The following RNF4 variants were observed in gnomAD, a reference collection of about 807,000 sequenced individuals.
RNF4 encodes ring finger protein 4.
RNF4 carries 7 observed loss-of-function variants against 24.3 expected under a neutral mutation model. The ratio of observed to expected loss-of-function variants is 0.29; its 90% CI spans 0.16 to 0.54. RNF4 has a LOEUF of 0.54. Among genes scored for constraint, RNF4 ranks in the 20% least tolerant of loss-of-function variants. RNF4 has a pLI of 0.95. For synonymous variants in RNF4, 83 were observed against 84.3 expected, an observed-to-expected ratio of 0.98 and a Z score of 0.09; for missense variants, 209 against 248.5, an observed-to-expected ratio of 0.84 and a Z score of 1.07.
intron 4 of RNF4, among the ~76,000 whole-genome samples, chr4:2,503,553 C>G (rs1339648552): frequency 1.3e-5 from 2 of 152,192 alleles, no homozygotes; most frequent in Non-Finnish European, 2.9e-5. Context: ...CTGCTTTGGA[C>G]TTGATAGCTC....
chr4:2,487,915 C>T (rs1205757055), intron 1 of RNF4, among the ~76,000 whole-genome samples: 1 of 152,192 alleles, frequency 6.6e-6, no homozygotes, highest in Non-Finnish European at 1.5e-5. Context: ...CGACCAAGTG[C>T]TGAAGAAAAT....
chr4:2,494,194 A>G (rs114087743), intron 2 of RNF4, among the ~76,000 whole-genome samples: 2 of 152,008 alleles, frequency 1.3e-5, no homozygotes, highest in Non-Finnish European at 2.9e-5. Context: ...GCAAGGCCAT[A>G]TTTATACTTT....
intron 4 of RNF4, among the ~76,000 whole-genome samples, chr4:2,509,860 T>A (rs1195540165): frequency 6.6e-6 from 1 of 152,090 alleles, no homozygotes; most frequent in African/African-American, 2.4e-5. Flanking sequence ...GGTGGGGGCA[T>A]GTTGGAGCTG....
chr4:2,499,660 G>T (rs1363326471), intron 3 of RNF4, among the ~76,000 whole-genome samples: 1 of 152,128 alleles, frequency 6.6e-6, no homozygotes, highest in Admixed American at 6.5e-5. Context: ...ATAAATGGAA[G>T]TTGTACGTTA....
intron 4 of RNF4, among the ~76,000 whole-genome samples, chr4:2,504,872 A>G (rs1294814900): frequency 6.6e-6 from 1 of 151,620 alleles, no homozygotes; most frequent in Non-Finnish European, 1.5e-5. Context: ...AGCTGGGACT[A>G]CAGGCACGCA....
intron 1 of RNF4, among the ~76,000 whole-genome samples, chr4:2,479,429 T>G (rs1213209765): frequency 6.6e-6 from 1 of 152,112 alleles, no homozygotes; most frequent in Non-Finnish European, 1.5e-5. Context: ...GATCTCATCT[T>G]GAATTTCCAC....
intron 4 of RNF4, among the ~76,000 whole-genome samples, chr4:2,502,393 A>G (rs899859455): frequency 1.3e-5 from 2 of 152,188 alleles, no homozygotes; most frequent in Admixed American, 1.3e-4. Flanking sequence ...TGCTTTAGAA[A>G]CAGGGTCTCA....
At chr4:2,503,066 G>T (rs1379179731) in intron 4 of RNF4, among the ~76,000 whole-genome samples, 2 of 152,062 alleles carry the variant, frequency 1.3e-5, no homozygotes, top group Non-Finnish European at 2.9e-5. Flanking sequence ...TGTAGAGACA[G>T]GGTCTCACTG....
Position 2,515,074 on chromosome 4 carries a change from G to A in RNF4, c.*1255G>A, listed in dbSNP as rs1475951600. ...ACAGGGCCTGGGGGGTGGCTAACGAGAGAGGCCTTACAGTGCCGGCATGCC... is the reference window on the plus strand; with the variant it reads ...ACAGGGCCTGGGGGGTGGCTAACGAAAGAGGCCTTACAGTGCCGGCATGCC... On this transcript the variant is annotated 3_prime_UTR_variant, in exon 8 of 8. Transcript: ENST00000314289. 4 of 152,510 alleles carry A rather than the reference G, an allele frequency of 2.6e-5. No individual in the cohort carries two copies. The highest frequency in any genetic ancestry group is 5.9e-5 in the Non-Finnish European group (4 of 68,044). The allele number at this position is 152,510 out of a possible 1,614,324, so 9.4% of individuals were successfully genotyped here.
intron 1 of RNF4, among the ~76,000 whole-genome samples, chr4:2,485,244 C>G (rs1314123703): frequency 2.0e-5 from 3 of 152,158 alleles, no homozygotes; most frequent in Non-Finnish European, 2.9e-5. Flanking sequence ...GCTCACTGGC[C>G]GCCTTTCAGT....
rs1396015639 is a variant in RNF4 at position 2,512,769 on chromosome 4, A to C, written c.374+172A>C. 6.6e-6 allele frequency among the ~76,000 whole-genome samples: 1 copy of C among 152,126 alleles called. No individual in the cohort carries two copies. The highest frequency in any genetic ancestry group is 1.5e-5 in the Non-Finnish European group (1 of 68,020). ...TCCAGAACTGAGTCCAGCTATTCCC[A>C]CTGTAACCAGAGGATGCCAAGCGCT... On this transcript the variant is annotated intron_variant, in intron 6 of 7. Transcript: ENST00000314289. This position sits in a 1 kb window ranked among gnomAD's most constrained non-coding sequence, Gnocchi z 4.1.
chr4:2,475,854 C>G (rs1349756378), intron 1 of RNF4, among the ~76,000 whole-genome samples: 1 of 152,198 alleles, frequency 6.6e-6, no homozygotes, highest in Admixed American at 6.6e-5. Context: ...CCCAAGGTCA[C>G]ACAATTAGTA....
intron 2 of RNF4, among the ~76,000 whole-genome samples, chr4:2,495,224 A>G (rs909103525): frequency 6.6e-6 from 1 of 152,156 alleles, no homozygotes; most frequent in African/African-American, 2.4e-5. Context: ...CATTTCCAAA[A>G]CATCTCAAGC....
intron 2 of RNF4, among the ~76,000 whole-genome samples, chr4:2,495,434 G>A (rs1450728365): frequency 5.3e-5 from 8 of 152,096 alleles, no homozygotes; most frequent in South Asian, 2.1e-4. Flanking sequence ...CCGTCTCTGC[G>A]CAGTACTTTA....
rs1736301654 is a variant in RNF4, at chr4:2,512,650, G to A, written c.374+53G>A. On this transcript the variant is annotated intron_variant, in intron 6 of 7. Transcript: ENST00000314289. This position sits in a 1 kb window ranked among gnomAD's most constrained non-coding sequence, Gnocchi z 4.1. ...CGCCATGCTAGGATGTGGGGCCAGG[G>A]CATGGGAATACTTTTCAGCAAATCT... 4 of 1,593,148 alleles carry A rather than the reference G, an allele frequency of 2.5e-6. No individual in the cohort carries two copies. The African/African-American group carries it at 4.0e-5, about 16-fold the overall frequency.
chr4:2,482,990 C>A (rs1400440269), intron 1 of RNF4, among the ~76,000 whole-genome samples: 2 of 152,314 alleles, frequency 1.3e-5, no homozygotes, highest in Admixed American at 6.5e-5. Context: ...ACATTGGTTC[C>A]AGTTCCTCCT....
chr4:2,513,199 C>G, intron 7 of RNF4, 68 bp downstream of exon 7: 1 of 1,447,842 alleles, frequency 6.9e-7, no homozygotes, highest in Non-Finnish European at 9.7e-7. Context: ...TTGGATGAGA[C>G]AGGATCTTCC....
intron 3 of RNF4, 143 bp downstream of exon 3, chr4:2,497,264 A>G (rs538261241): frequency 3.4e-5 from 19 of 564,098 alleles, no homozygotes; most frequent in Non-Finnish European, 5.0e-5. Flanking sequence ...TCAAAGCTTC[A>G]CAGATTCTGA....
At chr4:2,482,830 A>T (rs1735281903) in intron 1 of RNF4, among the ~76,000 whole-genome samples, 1 of 145,156 alleles carries the variant, frequency 6.9e-6, no homozygotes, top group Non-Finnish European at 1.5e-5. Flanking sequence ...TTAGGAATAA[A>T]TAACTCTGGG....
Sources: gnomAD v4.1 joint callset for allele counts (sites outside exome capture counted in the v4.1 genomes callset) on GRCh38, gnomAD v4.1.1 for gene constraint, Gnocchi (gnomAD v3.1) non-coding constraint, MANE v1.5 for transcripts, NCBI Gene and HGNC (gene_info 2026-07-23, HGNC 2026-07-21) for gene names.